The following RTN3 variants were observed in gnomAD, a reference collection of about 807,000 sequenced individuals.
RTN3 encodes the protein reticulon-3.
RTN3 carries 49 observed loss-of-function variants against 77.8 expected under a neutral mutation model. That is an observed-to-expected ratio of 0.63 (90% CI 0.50 to 0.80). The LOEUF (loss-of-function observed/expected upper bound fraction) is 0.80, where lower values mean the gene tolerates loss of function less well. Among genes scored for constraint, RTN3 ranks in the 30% least tolerant of loss-of-function variants. The probability of loss-of-function intolerance (pLI) is 0.00; values close to 1 mark genes in which losing one functional copy is unlikely to be tolerated. For synonymous variants in RTN3, 464 were observed against 446.9 expected, an observed-to-expected ratio of 1.04 and a Z score of -0.48; for missense variants, 1,236 against 1,211.9, an observed-to-expected ratio of 1.02 and a Z score of -0.29.
chr11:63,714,017 A>T (rs1378487057), intron 2 of RTN3: 1 of 518,816 alleles, frequency 1.9e-6, no homozygotes, highest in Non-Finnish European at 3.8e-6. Flanking sequence ...ATACTGACCA[A>T]TTGGAAGAGT....
At chr11:63,750,476 G>C (rs945802684) in intron 4 of RTN3, 6 of 360,336 alleles carry the variant, frequency 1.7e-5, no homozygotes, top group Non-Finnish European at 3.0e-5. Context: ...TTTTTGAGAC[G>C]GATATTGCTC....
intron 3 of RTN3, among the ~76,000 whole-genome samples, chr11:63,727,411 CAAAG>C (rs774976486): frequency 1.1e-4 from 17 of 152,056 alleles, no homozygotes; most frequent in African/African-American, 3.1e-4. Flanking sequence ...TTTAATCACT[CAAAG>C]AAGTAAAGGG....
intron 1 of RTN3, among the ~76,000 whole-genome samples, chr11:63,687,866 C>A (rs928654039): frequency 1.3e-5 from 2 of 152,154 alleles, no homozygotes; most frequent in African/African-American, 4.8e-5. Flanking sequence ...AATCTGTCTT[C>A]CTCACAATCA....
chr11:63,757,589 C>T (rs547342141), intron 8 of RTN3, among the ~76,000 whole-genome samples: 1 of 152,294 alleles, frequency 6.6e-6, no homozygotes, highest in South Asian at 2.1e-4. Flanking sequence ...TAACTTCTGG[C>T]TTCAAGTGAT....
At chr11:63,718,189 A>G (rs2011512896) in intron 2 of RTN3, among the ~76,000 whole-genome samples, 1 of 152,182 alleles carries the variant, frequency 6.6e-6, no homozygotes, top group African/African-American at 2.4e-5. Context: ...CTAAAAATCA[A>G]AAAAGTCTGG....
intron 3 of RTN3, among the ~76,000 whole-genome samples, chr11:63,721,655 A>T (rs752947528): frequency 1.3e-5 from 2 of 151,914 alleles, no homozygotes; most frequent in Non-Finnish European, 2.9e-5. Context: ...GGTTGCCCCT[A>T]AGGTGATATT....
chr11:63,698,984 G>T (rs1358010465), intron 1 of RTN3, among the ~76,000 whole-genome samples: 1 of 152,184 alleles, frequency 6.6e-6, no homozygotes, highest in Non-Finnish European at 1.5e-5. Flanking sequence ...TATATTGAAA[G>T]TTAATAATAT....
chr11:63,750,088 C>T lies in RTN3; in HGVS notation c.2628C>T (p.Ile876=). 2 of 1,613,340 alleles carry T rather than the reference C, an allele frequency of 1.2e-6. No individual in the cohort carries two copies. Among genetic ancestry groups the T allele is most frequent in the East Asian group, 2.2e-5 (1 of 44,888 alleles). Residue 876 remains isoleucine (I), a synonymous_variant, in exon 4 of 9, where the codon ATC becomes ATT. Coordinates refer to ENST00000377819, the MANE Select transcript of RTN3 (RefSeq NM_001265589.2). ...MLLSLAAFSV[I]SVVSYLILAL... is the part of the protein sequence containing the mutation. ...TTTCCCTGGCAGCTTTCAGTGTCAT[C>T]AGTGTGGTTTCTTACCTCATCCTGG...
In RTN3 at chr11:63,719,389, C is replaced by T. The variant is rs267603090; in HGVS notation, c.887C>T (p.Pro296Leu). Residue 296 changes from proline to leucine, a missense_variant, in exon 3 of 9, where the codon CCA becomes CTA. Physicochemically the swap from Pro to Leu is moderately conservative, Grantham distance 98. Coordinates refer to ENST00000377819, the MANE Select transcript of RTN3 (RefSeq NM_001265589.2). ...TCAGAGACTAATGACAAGCTTTTTC[C>T]ACTGAGAAATAAAGAGGCAGGACGT... ...DISETNDKLF[P>L]LRNKEAGRYP... 12 of 1,614,004 alleles carry T rather than the reference C, an allele frequency of 7.4e-6. No individual in the cohort carries two copies. The highest frequency in any genetic ancestry group is 9.3e-6 in the Non-Finnish European group (11 of 1,180,016).
chr11:63,711,795 C>G (rs1325175149), intron 2 of RTN3, among the ~76,000 whole-genome samples: 1 of 152,182 alleles, frequency 6.6e-6, no homozygotes, highest in African/African-American at 2.4e-5. Flanking sequence ...AGATCCCAAC[C>G]TCAGGTGATC....
At chr11:63,751,155 G>A (rs1011613148) in intron 4 of RTN3, among the ~76,000 whole-genome samples, 1 of 152,192 alleles carries the variant, frequency 6.6e-6, no homozygotes, top group African/African-American at 2.4e-5. Flanking sequence ...CTATGCATGA[G>A]CCACCGTGCC....
intron 2 of RTN3, among the ~76,000 whole-genome samples, chr11:63,716,823 G>A (rs1382248493): frequency 1.3e-5 from 2 of 152,008 alleles, no homozygotes; most frequent in East Asian, 3.8e-4. Context: ...AATAAAATTA[G>A]CCAGGCGTGG....
At chr11:63,727,766 G>A (rs2012385829) in intron 3 of RTN3, among the ~76,000 whole-genome samples, 1 of 152,172 alleles carries the variant, frequency 6.6e-6, no homozygotes, top group Non-Finnish European at 1.5e-5. Context: ...CTTGAGCCCA[G>A]GAGTGCGAGA....
In RTN3 at chr11:63,754,325, A is replaced by AG. The variant is rs1368792366; in HGVS notation, c.2994+619dup. On this transcript the variant is annotated intron_variant, in intron 7 of 8. Coordinates refer to ENST00000377819, the MANE Select transcript of RTN3 (RefSeq NM_001265589.2). ...TCCTAACACTTTGGGGGGCCGAGGC[A>AG]GGCAGATCACTTGAGGTCAGGAGTT... 2.0e-5 allele frequency among the ~76,000 whole-genome samples: 3 copies of AG among 151,782 alleles called. No homozygotes were observed. In the South Asian group the frequency reaches 6.2e-4, roughly 32 times the overall value.
At chr11:63,723,378 T>C (rs1164309149) in intron 3 of RTN3, among the ~76,000 whole-genome samples, 1 of 151,936 alleles carries the variant, frequency 6.6e-6, no homozygotes, top group East Asian at 1.9e-4. Context: ...ATAAACCATT[T>C]CAGTAAAATG....
chr11:63,735,837 A>G (rs996834695), intron 3 of RTN3, among the ~76,000 whole-genome samples: 1 of 152,108 alleles, frequency 6.6e-6, no homozygotes. Context: ...ACCAATTCTA[A>G]CATTTCTGTG....
At chr11:63,734,328 A>T (rs192453039) in intron 3 of RTN3, among the ~76,000 whole-genome samples, 2 of 152,018 alleles carry the variant, frequency 1.3e-5, no homozygotes, top group Non-Finnish European at 2.9e-5. Flanking sequence ...CACACTTGTA[A>T]TCCCAGTACT....
At chr11:63,751,526 C>T (rs561508284) in intron 4 of RTN3, among the ~76,000 whole-genome samples, 1 of 152,282 alleles carries the variant, frequency 6.6e-6, no homozygotes, top group East Asian at 1.9e-4. Flanking sequence ...ACAATGTTGA[C>T]TTTAACGTGA....
chr11:63,707,369 A>T lies in RTN3; in HGVS notation c.199+2462A>T, dbSNP rs578043818. Among the ~76,000 whole-genome samples the T allele has an allele frequency of 2.8e-3, 419 of 152,234 alleles. 1 individual carries two copies. Among genetic ancestry groups the T allele is most frequent in the African/African-American group, 9.5e-3 (395 of 41,532 alleles). ...TTACATGTACACTCAAGTAGAAGGG[A>T]GGTAAATAAAAATGATTTAAATTAA... On this transcript the variant is annotated intron_variant, in intron 2 of 8. Transcript: ENST00000377819.
Sources: gnomAD v4.1 joint callset for allele counts (sites outside exome capture counted in the v4.1 genomes callset) on GRCh38, gnomAD v4.1.1 for gene constraint, MANE v1.5 for transcripts, NCBI Gene and HGNC (gene_info 2026-07-23, HGNC 2026-07-21) for gene names.